ILDR1: variants seen among roughly 807,000 people sequenced by gnomAD.
The protein encoded by ILDR1 is immunoglobulin-like domain-containing receptor 1.
Under a neutral mutation model 62.4 loss-of-function variants are expected in ILDR1, and 56 were observed. That is an observed-to-expected ratio of 0.90 (90% CI 0.72 to 1.12). ILDR1 has a LOEUF of 1.12. ILDR1 is among the 50% of genes most tolerant of loss of function. ILDR1 has a pLI of 0.00. For missense variants in ILDR1, 736 were observed against 710.6 expected, an observed-to-expected ratio of 1.04 and a Z score of -0.41; for synonymous variants, 284 against 277.8, an observed-to-expected ratio of 1.02 and a Z score of -0.22.
the ILDR1 span, among the ~76,000 whole-genome samples, chr3:122,047,484 C>T: frequency 6.6e-6 from 1 of 152,254 alleles, no homozygotes; most frequent in Non-Finnish European, 1.5e-5. Context: ...CTAAGCAAGC[C>T]TGGGCAATGG....
chr3:122,049,645 T>C, the ILDR1 span, among the ~76,000 whole-genome samples: 1 of 152,340 alleles, frequency 6.6e-6, no homozygotes, highest in East Asian at 1.9e-4. Flanking sequence ...TTGTTTCTTT[T>C]GACAATTTTT....
At chr3:122,029,421 C>T in the ILDR1 span, among the ~76,000 whole-genome samples, 1 of 151,608 alleles carries the variant, frequency 6.6e-6, no homozygotes, top group Admixed American at 6.6e-5. Flanking sequence ...GCAGGAAAAT[C>T]GCTTTAACCA....
At chr3:122,019,700 C>A (rs1010202679) in intron 1 of ILDR1, among the ~76,000 whole-genome samples, 1 of 152,158 alleles carries the variant, frequency 6.6e-6, no homozygotes, top group East Asian at 1.9e-4. Flanking sequence ...TCATTAGGGG[C>A]CCCAAGCCAC....
the ILDR1 span, among the ~76,000 whole-genome samples, chr3:122,038,047 C>T: frequency 3.8e-3 from 572 of 152,192 alleles, 4 homozygotes; most frequent in African/African-American, 0.013. Flanking sequence ...CTGAGGCCTG[C>T]CAGCCATGCT....
chr3:122,000,295 C>T (rs1278429059), intron 5 of ILDR1, among the ~76,000 whole-genome samples: 1 of 117,732 alleles, frequency 8.5e-6, no homozygotes, highest in Non-Finnish European at 1.8e-5. Flanking sequence ...TCCCTACCTC[C>T]TGACCTCTGG....
chr3:122,051,658 T>C, the ILDR1 span, among the ~76,000 whole-genome samples: 1 of 152,100 alleles, frequency 6.6e-6, no homozygotes, highest in Admixed American at 6.6e-5. Context: ...CTTGACCATT[T>C]CCCGTTTCTT....
At chr3:122,018,805 G>T (rs942457546) in intron 1 of ILDR1, among the ~76,000 whole-genome samples, 1 of 152,162 alleles carries the variant, frequency 6.6e-6, no homozygotes, top group African/African-American at 2.4e-5. Context: ...AGACAAGGGA[G>T]CAGCTGAGTG....
chr3:122,007,321 G>C (rs2071630042), intron 1 of ILDR1, 160 bp from the exon 2 acceptor site: 1 of 1,514,716 alleles, frequency 6.6e-7, no homozygotes, highest in Non-Finnish European at 8.9e-7. Flanking sequence ...GCAGGCTATG[G>C]GTGGGGTGGG....
the ILDR1 span, among the ~76,000 whole-genome samples, chr3:122,034,637 TTTG>T: frequency 0.15 from 23,366 of 152,134 alleles, 1,837 homozygotes; most frequent in East Asian, 0.22. Flanking sequence ...TCGCAGGTTT[TTTG>T]TTGTTGTTGT....
the ILDR1 span, among the ~76,000 whole-genome samples, chr3:122,027,444 AC>A: frequency 6.6e-6 from 1 of 152,046 alleles, no homozygotes; most frequent in African/African-American, 2.4e-5. Flanking sequence ...CCCGCCTTGG[AC>A]CCCCAAAGTG....
chr3:122,008,593 C>CTTTTTTT (rs10546593), intron 1 of ILDR1, among the ~76,000 whole-genome samples: 1 of 80,116 alleles, frequency 1.2e-5, no homozygotes, highest in Non-Finnish European at 2.9e-5. Context: ...CTTTTCTTTT[C>CTTTTTTT]TTTTTTTTTT....
the ILDR1 span, among the ~76,000 whole-genome samples, chr3:122,052,659 C>T: frequency 2.0e-5 from 3 of 152,160 alleles, no homozygotes; most frequent in South Asian, 4.1e-4. Context: ...CTGCAACCTC[C>T]GCCTCCCGGG....
chr3:122,029,456 G>A, the ILDR1 span, among the ~76,000 whole-genome samples: 4 of 150,628 alleles, frequency 2.7e-5, no homozygotes, highest in Non-Finnish European at 5.9e-5. Flanking sequence ...GCAGTGAGCC[G>A]AGATCCAGCC....
intron 3 of ILDR1, 22 bp from the exon 4 acceptor site, chr3:122,001,886 A>G: frequency 1.2e-6 from 2 of 1,612,708 alleles, no homozygotes; most frequent in Non-Finnish European, 8.5e-7. Flanking sequence ...GGAGGGAGAA[A>G]GTGCCAGTGT....
intron 1 of ILDR1, among the ~76,000 whole-genome samples, chr3:122,015,535 A>T (rs377240296): frequency 4.1e-4 from 62 of 152,260 alleles, no homozygotes; most frequent in African/African-American, 1.3e-3. Context: ...CATGATAGTG[A>T]GTTCTCACAA....
intron 1 of ILDR1, among the ~76,000 whole-genome samples, chr3:122,018,872 T>G (rs1055884230): frequency 6.6e-6 from 1 of 152,182 alleles, no homozygotes; most frequent in Admixed American, 6.5e-5. Flanking sequence ...CAGGGAACTT[T>G]GTAAGATTTC....
the ILDR1 span, among the ~76,000 whole-genome samples, chr3:122,036,456 G>A: frequency 7.2e-5 from 11 of 151,962 alleles, no homozygotes; most frequent in African/African-American, 2.7e-4. Flanking sequence ...AGGCATGGTG[G>A]TGGGCACCTG....
the ILDR1 span, among the ~76,000 whole-genome samples, chr3:122,058,618 T>G: frequency 2.6e-5 from 4 of 151,990 alleles, no homozygotes; most frequent in Non-Finnish European, 5.9e-5. Flanking sequence ...AGATGCCTAA[T>G]GGGGAGTAAT....
chr3:122,020,957 G>A (rs750841781), intron 1 of ILDR1, among the ~76,000 whole-genome samples: 24 of 152,224 alleles, frequency 1.6e-4, no homozygotes, highest in Admixed American at 7.8e-4. Context: ...CTTAAGTTAT[G>A]GTAGAATCCT....
Sources: gnomAD v4.1 joint callset for allele counts (sites outside exome capture counted in the v4.1 genomes callset) on GRCh38, gnomAD v4.1.1 for gene constraint, MANE v1.5 for transcripts, NCBI Gene and HGNC (gene_info 2026-07-23, HGNC 2026-07-21) for gene names.